Variants in SPECC1L observed in about 807,000 individuals in gnomAD.
SPECC1L encodes sperm antigen with calponin homology and coiled-coil domains 1 like, also known as cytospin-A.
In SPECC1L, 40 loss-of-function variants were observed where a neutral mutation model predicts 116.8. The ratio of observed to expected loss-of-function variants is 0.34; its 90% CI spans 0.27 to 0.45. The LOEUF (loss-of-function observed/expected upper bound fraction) is 0.45. SPECC1L is among the 20% of genes least tolerant of loss of function. The pLI is 1.00. For missense variants in SPECC1L, 1,110 were observed against 1,373.6 expected (o/e 0.81, Z 3.03); for synonymous variants, 504 against 500.6 (o/e 1.01, Z -0.09).
chr22:24,274,778 A>G (rs949777153), intron 1 of SPECC1L, among the ~76,000 whole-genome samples: 5 of 152,190 alleles, frequency 3.3e-5, no homozygotes, highest in Admixed American at 3.3e-4. Flanking sequence ...TACCTTCGTA[A>G]TAAGGTCTCC....
At chr22:24,271,793 C>T (rs2048732495) in intron 1 of SPECC1L, among the ~76,000 whole-genome samples, 1 of 152,174 alleles carries the variant, frequency 6.6e-6, no homozygotes, top group South Asian at 2.1e-4. Flanking sequence ...GTCCAAGTAC[C>T]AGAAGGGCGA....
Position 24,321,779 on chromosome 22 carries a change from T to C in SPECC1L, c.799T>C (p.Leu267=). The change falls in exon 5 of 17, where the codon TTA becomes CTA. Residue 267 remains leucine, a synonymous_variant. Transcript: ENST00000314328. ...CCAGCTGAAAAATGAAAACAGAATGTTAAAGGACAGGTTGAATGCATTGGG... is the reference window on the plus strand; with the variant it reads ...CCAGCTGAAAAATGAAAACAGAATGCTAAAGGACAGGTTGAATGCATTGGG... ...LNQLKNENRM[L]KDRLNALGFS... 1 of 1,614,128 alleles carries C rather than the reference T, an allele frequency of 6.2e-7. No homozygotes were observed. Among genetic ancestry groups the C allele is most frequent in the African/African-American group, 1.3e-5 (1 of 75,018 alleles).
intron 1 of SPECC1L, among the ~76,000 whole-genome samples, chr22:24,273,262 T>C (rs917974202): frequency 1.3e-5 from 2 of 152,216 alleles, no homozygotes; most frequent in African/African-American, 2.4e-5. Flanking sequence ...CATATACATA[T>C]TTAAATCACA....
intron 7 of SPECC1L, among the ~76,000 whole-genome samples, chr22:24,329,302 C>G (rs2040891458): frequency 6.6e-6 from 1 of 152,160 alleles, no homozygotes; most frequent in South Asian, 2.1e-4. Context: ...AATCTTAAAT[C>G]TGAAATGCTT....
intron 11 of SPECC1L, among the ~76,000 whole-genome samples, chr22:24,359,626 G>A (rs28427132): frequency 0.036 from 5,459 of 151,200 alleles, 294 homozygotes; most frequent in South Asian, 0.12. Context: ...GTTTGCCTGC[G>A]TGACTCTCGC....
At chr22:24,400,974 C>T (rs1021307683) in intron 14 of SPECC1L, among the ~76,000 whole-genome samples, 20 of 152,270 alleles carry the variant, frequency 1.3e-4, no homozygotes, top group African/African-American at 4.8e-4. Context: ...CAAATATGCA[C>T]TAAAGTCATG....
At chr22:24,371,151 G>T (rs2041863420) in intron 14 of SPECC1L, among the ~76,000 whole-genome samples, 1 of 152,132 alleles carries the variant, frequency 6.6e-6, no homozygotes, top group African/African-American at 2.4e-5. Context: ...TAGAAAACCA[G>T]CAAGGGAATA....
rs552558633 is a variant in SPECC1L at position 24,385,936 on chromosome 22, T to C, written c.3087+16616T>C. 4.6e-5 allele frequency among the ~76,000 whole-genome samples: 7 copies of C among 152,326 alleles called. No homozygotes were observed. The South Asian group carries it at 8.3e-4, about 18-fold the overall frequency. ...AAACACTGCACCAGACAATAGTGGA[T>C]TGCACATTCCTTCTAATTGGCCACA... On this transcript the variant is annotated intron_variant, in intron 14 of 16. Transcript: ENST00000314328.
intron 2 of SPECC1L, among the ~76,000 whole-genome samples, chr22:24,288,944 G>C (rs1278447026): frequency 1.3e-5 from 2 of 152,062 alleles, no homozygotes; most frequent in African/African-American, 4.8e-5. Context: ...TTTTTAGAAA[G>C]GATTTTTTAC....
intron 2 of SPECC1L, 112 bp downstream of exon 2, chr22:24,276,915 G>A (rs924489916): frequency 4.9e-6 from 1 of 204,326 alleles, no homozygotes; most frequent in African/African-American, 2.4e-5. Flanking sequence ...CTGGGCCCAA[G>A]AATTCTTGCC....
At chr22:24,333,143 A>C (rs1242527620) in intron 8 of SPECC1L, among the ~76,000 whole-genome samples, 1 of 152,114 alleles carries the variant, frequency 6.6e-6, no homozygotes, top group Admixed American at 6.5e-5. Context: ...CAGGAGAATC[A>C]CTTGAACCTG....
In SPECC1L at chr22:24,334,517, C is replaced by T. The variant is rs770684532; in HGVS notation, c.2504C>T (p.Ser835Leu). The change falls in exon 9 of 17, where the codon TCA (serine) becomes TTA (leucine). Residue 835 changes from serine (S) to leucine (L), a missense_variant. By Grantham distance (145) the Ser-to-Leu change is moderately radical. Around this residue, in one of 4 missense-constraint regions of SPECC1L, gnomAD observed 575 missense variants for 682.4 expected, o/e 0.84. Transcript: ENST00000314328. ...CTGAGTAGAAGGTCCTCGACTTCCTCAGAGCCAACTCCTACAGTAAAAACC... is the reference window on the plus strand; with the variant it reads ...CTGAGTAGAAGGTCCTCGACTTCCTTAGAGCCAACTCCTACAGTAAAAACC... ...MGLSRRSSTS[S>L]EPTPTVKTLI... 2 of 1,614,156 alleles carry T rather than the reference C, an allele frequency of 1.2e-6. No individual in the cohort carries two copies. The highest frequency in any genetic ancestry group is 1.1e-5 in the South Asian group (1 of 91,084).
At chr22:24,323,884 G>C (rs2040768389) in intron 5 of SPECC1L, among the ~76,000 whole-genome samples, 1 of 152,048 alleles carries the variant, frequency 6.6e-6, no homozygotes, top group African/African-American at 2.4e-5. Context: ...ATTTTTGTTA[G>C]GACAACATGT....
chr22:24,284,412 TAATA>T (rs1405508457), intron 2 of SPECC1L, among the ~76,000 whole-genome samples: 2 of 152,094 alleles, frequency 1.3e-5, no homozygotes, highest in Non-Finnish European at 2.9e-5. Context: ...GTAATTTAAT[TAATA>T]GAGAATCTTT....
chr22:24,324,681 T>C (rs1223712575), intron 6 of SPECC1L, among the ~76,000 whole-genome samples: 1 of 152,104 alleles, frequency 6.6e-6, no homozygotes. Flanking sequence ...TAAAACCCCG[T>C]ATCTACTAAA....
At chr22:24,328,494 T>G (rs991777153) in intron 6 of SPECC1L, among the ~76,000 whole-genome samples, 1 of 152,208 alleles carries the variant, frequency 6.6e-6, no homozygotes, top group Admixed American at 6.5e-5. Flanking sequence ...TGCAGATTAA[T>G]AATACTTGTG....
intron 10 of SPECC1L, chr22:24,343,436 A>G (rs1259560093): frequency 4.5e-6 from 2 of 448,118 alleles, no homozygotes; most frequent in African/African-American, 2.0e-5. Context: ...GTCAGAAGAC[A>G]ACAAAATGGT....
rs572952839 is a variant in SPECC1L at position 24,348,110 on chromosome 22, G to T, written c.2743+934G>T. On this transcript the variant is annotated intron_variant, in intron 11 of 16. Coordinates refer to ENST00000314328, the MANE Select transcript of SPECC1L (RefSeq NM_015330.6). ...AAGTGCATTGGAAAGATGAACTGCA[G>T]TGTTGGGGTGTGGTGCTGGGAAAAG... Among the ~76,000 whole-genome samples the T allele has an allele frequency of 5.9e-5, 9 of 152,280 alleles. No homozygotes were observed. In the East Asian group the frequency reaches 1.7e-3, roughly 29 times the overall value.
At chr22:24,412,476 G>A in intron 15 of SPECC1L, 172 bp from the exon 16 acceptor site, 1 of 694,598 alleles carries the variant, frequency 1.4e-6, no homozygotes, top group African/African-American at 1.8e-5. Context: ...CGGGCCTAGT[G>A]CAGGGTACTT....
Sources: gnomAD v4.1 joint callset for allele counts (sites outside exome capture counted in the v4.1 genomes callset) on GRCh38, gnomAD v4.1.1 for gene constraint, gnomAD v4.1.1 regional missense constraint, MANE v1.5 for transcripts, NCBI Gene and HGNC (gene_info 2026-07-23, HGNC 2026-07-21) for gene names.